SEPTIN8: variants seen among roughly 807,000 people sequenced by gnomAD.
SEPTIN8 encodes septin 8.
In SEPTIN8, 22 loss-of-function variants were observed where a neutral mutation model predicts 53.1. The observed-to-expected ratio is 0.41, with a 90% CI of 0.30 to 0.59. The LOEUF (loss-of-function observed/expected upper bound fraction) is 0.59. Among genes scored for constraint, SEPTIN8 ranks in the 20% least tolerant of loss-of-function variants. SEPTIN8 has a pLI of 0.24. For synonymous variants in SEPTIN8, 228 were observed against 248.4 expected, an observed-to-expected ratio of 0.92 and a Z score of 0.77; for missense variants, 536 against 638.7, an observed-to-expected ratio of 0.84 and a Z score of 1.73.
chr5:132,751,266 A>T lies in SEPTIN8; in HGVS notation c.*750T>A. 1 of 370,512 alleles carries T rather than the reference A, an allele frequency of 2.7e-6. No homozygotes were observed. Among genetic ancestry groups the T allele is most frequent in the Non-Finnish European group, 4.8e-6 (1 of 207,232 alleles). The allele number at this position is 370,512 out of a possible 1,614,324, so 23.0% of individuals were successfully genotyped here. ...CTATTATGGTGAGTTTCTCTTTTAA[A>T]TACACACTGCAAAAATATTTAACTT... On this transcript the variant is annotated 3_prime_UTR_variant, in exon 10 of 10. Transcript: ENST00000378719.
rs1332235522 is a variant in SEPTIN8, at chr5:132,773,541, C to T, written c.30+3567G>A. ...TCATCTCTGGTATTGGAATTTGGAT[C>T]TTGTTCCCCCTACCTTTGCTAGCCA... On this transcript the variant is annotated intron_variant, in intron 1 of 9. Transcript: ENST00000378719. This position sits in a 1 kb window ranked among gnomAD's most constrained non-coding sequence, Gnocchi z 4.2. Among the ~76,000 whole-genome samples the T allele has an allele frequency of 6.6e-6, 1 of 152,238 alleles. No homozygotes were observed. The highest frequency in any genetic ancestry group is 1.9e-4 in the East Asian group (1 of 5,200).
At chr5:132,777,448 G>A (rs1273599175), upstream of SEPTIN8, 3 of 991,282 alleles carry the variant, frequency 3.0e-6, no homozygotes, top group South Asian at 9.4e-5. The surrounding 1 kb of genome is among the most constrained non-coding windows in gnomAD (Gnocchi z 4.1). Flanking sequence ...TGTAGTCCGC[G>A]CGTTGGGGGA....
chr5:132,772,798 A>G (rs1314286003), intron 1 of SEPTIN8, among the ~76,000 whole-genome samples: 2 of 152,198 alleles, frequency 1.3e-5, no homozygotes, highest in East Asian at 3.8e-4. Context: ...CCCAGGCCCA[A>G]GAGCCATGTC....
intron 1 of SEPTIN8, among the ~76,000 whole-genome samples, chr5:132,766,632 G>A (rs758153584): frequency 1.3e-5 from 2 of 152,204 alleles, no homozygotes; most frequent in Non-Finnish European, 2.9e-5. Context: ...GCTAGAAAGA[G>A]GAAGGAGAGG....
At chr5:132,765,887 T>A (rs184082554) in intron 1 of SEPTIN8, among the ~76,000 whole-genome samples, 3 of 152,162 alleles carry the variant, frequency 2.0e-5, no homozygotes, top group African/African-American at 7.2e-5. Flanking sequence ...AGGCCCCAGA[T>A]GGTCCCAGAG....
rs1290308110 is a variant in SEPTIN8, at chr5:132,776,959, G to A, written c.30+149C>T. On this transcript the variant is annotated intron_variant, in intron 1 of 9. Transcript: ENST00000378719. This position sits in a 1 kb window ranked among gnomAD's most constrained non-coding sequence, Gnocchi z 4.4. ...CGGGACCCCCCGATAGCGCGGCCGA[G>A]AGCCCGCGCCGGGGTCCTCGAGCTG... is the stretch of plus-strand genomic sequence containing the variant. The A allele has an allele frequency of 2.6e-6, 1 of 383,444 alleles. No homozygotes were observed. The highest frequency in any genetic ancestry group is 3.9e-6 in the Non-Finnish European group (1 of 253,952). The allele number at this position is 383,444 out of a possible 1,614,324, so 23.8% of individuals were successfully genotyped here.
At chr5:132,778,736 A>AC (rs560504224), upstream of SEPTIN8, among the ~76,000 whole-genome samples, 300 of 152,306 alleles carry the variant, frequency 2.0e-3, 5 homozygotes, top group South Asian at 0.058. Flanking sequence ...TACAGGATTA[A>AC]ATAACATAAG....
At chr5:132,779,779 C>T (rs558031797), upstream of SEPTIN8, among the ~76,000 whole-genome samples, 1 of 152,294 alleles carries the variant, frequency 6.6e-6, no homozygotes, top group East Asian at 1.9e-4. Context: ...TCCTTCACAT[C>T]TAGGCAATTT....
intron 4 of SEPTIN8, 43 bp from the exon 5 acceptor site, chr5:132,762,688 T>G: frequency 6.2e-7 from 1 of 1,606,616 alleles, no homozygotes; most frequent in Non-Finnish European, 8.5e-7. Context: ...GTTGGCTCTT[T>G]TGAGCGGTGG....
At chr5:132,762,225 G>C (rs111447191) in intron 5 of SEPTIN8, among the ~76,000 whole-genome samples, 3 of 152,318 alleles carry the variant, frequency 2.0e-5, no homozygotes, top group African/African-American at 4.8e-5. Context: ...CTGCTCAACT[G>C]CTTCCATTTC....
At chr5:132,774,570 G>A (rs1283656361) in intron 1 of SEPTIN8, among the ~76,000 whole-genome samples, 4 of 152,212 alleles carry the variant, frequency 2.6e-5, no homozygotes, top group Admixed American at 6.5e-5. Context: ...CTGATCTAGG[G>A]TGGAGCAGAG....
Position 132,752,071 on chromosome 5 carries a change from A to T in SEPTIN8, c.1397T>A (p.Ile466Lys). 1 of 1,606,792 alleles carries T rather than the reference A, an allele frequency of 6.2e-7. No homozygotes were observed. The highest frequency in any genetic ancestry group is 8.5e-7 in the Non-Finnish European group (1 of 1,176,812). Residue 466 changes from isoleucine (I) to lysine (K), a missense_variant, in exon 10 of 10, where the codon ATA becomes AAA. This residue lies in a region of SEPTIN8 where 133 missense variants were observed against 157.4 expected (regional missense o/e 0.84). Coordinates refer to ENST00000378719, the MANE Select transcript of SEPTIN8 (RefSeq NM_001098811.2). ...PLNCSSWWPA[I>K]QCCSCLVRDA... ...CCTGACCAGGCAGCTGCAGCACTGT[A>T]TGGCGGGCCACCAGCTGCTGCAGTT...
intron 9 of SEPTIN8, chr5:132,752,742 G>A: frequency 1.4e-6 from 1 of 698,104 alleles, no homozygotes; most frequent in Non-Finnish European, 2.5e-6. Flanking sequence ...TAGGATTAGT[G>A]GTCCTTAGTT....
At position 132,758,252 on chromosome 5, in the gene SEPTIN8, G is replaced by A. The variant is rs548018527; in HGVS notation, c.1286+2550C>T. 4.6e-6 allele frequency: 6 copies of A among 1,291,352 alleles called. No homozygotes were observed. In the East Asian group the frequency reaches 1.8e-4, roughly 38 times the overall value. The allele number at this position is 1,291,352 out of a possible 1,614,324, so 80.0% of individuals were successfully genotyped here. Reference sequence around the variant, plus strand: ...AGTTTTTAAAAATCAGGGAATCTGTGTTACTTATGAAAATAATGGGAGAGG... The same window carrying A: ...AGTTTTTAAAAATCAGGGAATCTGTATTACTTATGAAAATAATGGGAGAGG... On this transcript the variant is annotated intron_variant, in intron 9 of 9. Coordinates refer to ENST00000378719, the MANE Select transcript of SEPTIN8 (RefSeq NM_001098811.2).
At chr5:132,778,690 TG>T (rs1757974196), upstream of SEPTIN8, among the ~76,000 whole-genome samples, 1 of 152,196 alleles carries the variant, frequency 6.6e-6, no homozygotes, top group African/African-American at 2.4e-5. Context: ...CTCCCTTCCC[TG>T]GTCCTAAAAA....
intron 9 of SEPTIN8, among the ~76,000 whole-genome samples, chr5:132,755,159 G>GT (rs1755217099): frequency 6.6e-6 from 1 of 152,144 alleles, no homozygotes; most frequent in African/African-American, 2.4e-5. Context: ...CATTAGGGAT[G>GT]TGTTCATACC....
intron 9 of SEPTIN8, among the ~76,000 whole-genome samples, chr5:132,752,451 G>A (rs1480305194): frequency 6.6e-6 from 1 of 152,214 alleles, no homozygotes; most frequent in Non-Finnish European, 1.5e-5. Flanking sequence ...CTCAATGGGA[G>A]CCCTTGTAGC....
intron 1 of SEPTIN8, among the ~76,000 whole-genome samples, chr5:132,769,637 T>C (rs1756966343): frequency 6.6e-6 from 1 of 152,078 alleles, no homozygotes; most frequent in South Asian, 2.1e-4. Flanking sequence ...AGCCTCCCCA[T>C]TGTCTAGATG....
intron 3 of SEPTIN8, 110 bp downstream of exon 3, chr5:132,764,114 C>T (rs1178962346): frequency 8.2e-7 from 1 of 1,216,424 alleles, no homozygotes; most frequent in African/African-American, 1.5e-5. Flanking sequence ...AGATATTCCC[C>T]AAGAGGCCCT....
Sources: allele counts gnomAD v4.1 joint callset (sites outside exome capture counted in the v4.1 genomes callset), GRCh38; gene constraint gnomAD v4.1.1; regional missense constraint gnomAD v4.1.1; non-coding constraint Gnocchi (gnomAD v3.1); transcripts MANE v1.5; gene names NCBI Gene and HGNC (gene_info 2026-07-23, HGNC 2026-07-21).